The following UBE2E2 variants were observed in gnomAD, a reference collection of about 807,000 sequenced individuals.
UBE2E2 encodes ubiquitin-conjugating enzyme E2 E2.
A neutral mutation model predicts 24.7 loss-of-function variants in UBE2E2; 6 were observed. The observed-to-expected ratio is 0.24, with a 90% CI of 0.13 to 0.48. The LOEUF (loss-of-function observed/expected upper bound fraction) is 0.48, where lower values mean the gene tolerates loss of function less well. Among genes scored for constraint, UBE2E2 ranks in the 20% least tolerant of loss-of-function variants. The pLI is 0.99. For synonymous variants in UBE2E2, 104 were observed against 83.6 expected, an observed-to-expected ratio of 1.24 and a Z score of -1.33; for missense variants, 169 against 245.0, an observed-to-expected ratio of 0.69 and a Z score of 2.07.
chr3:23,320,483 T>C (rs1694711472), intron 3 of UBE2E2, among the ~76,000 whole-genome samples: 1 of 152,182 alleles, frequency 6.6e-6, no homozygotes, highest in Non-Finnish European at 1.5e-5. Flanking sequence ...TGGAAAGAAA[T>C]CCTGTATTTT....
chr3:23,392,919 G>A (rs990865996), intron 3 of UBE2E2, among the ~76,000 whole-genome samples: 6 of 152,220 alleles, frequency 3.9e-5, no homozygotes, highest in African/African-American at 1.4e-4. Flanking sequence ...TGAAGGCCAG[G>A]AAGGGGCAAG....
intron 3 of UBE2E2, among the ~76,000 whole-genome samples, chr3:23,335,440 A>G (rs920834675): frequency 3.9e-5 from 6 of 152,160 alleles, no homozygotes; most frequent in Non-Finnish European, 5.9e-5. Flanking sequence ...AAAATAAACT[A>G]TAGTATTTCT....
chr3:23,400,607 A>AACACACACACACACACACACACACAT (rs1553608462), intron 3 of UBE2E2, among the ~76,000 whole-genome samples: 1 of 137,726 alleles, frequency 7.3e-6, no homozygotes, highest in Non-Finnish European at 1.6e-5. Flanking sequence ...GAATAAATGA[A>AACACACACACACACACACACACACAT]ACACACACAC....
intron 3 of UBE2E2, among the ~76,000 whole-genome samples, chr3:23,362,378 A>G (rs1696140993): frequency 1.3e-5 from 2 of 152,166 alleles, no homozygotes; most frequent in African/African-American, 4.8e-5. Flanking sequence ...TCTCGAGTCC[A>G]AGGAGACCAC....
chr3:23,401,848 C>CTTTTT (rs35903137), intron 3 of UBE2E2, among the ~76,000 whole-genome samples: 20 of 67,702 alleles, frequency 3.0e-4, no homozygotes, highest in East Asian at 4.5e-4. Context: ...TGCCTGGCTA[C>CTTTTT]TTTTTTTTTT....
At chr3:23,569,046 A>G (rs1028050990) in intron 5 of UBE2E2, among the ~76,000 whole-genome samples, 15 of 150,506 alleles carry the variant, frequency 1.0e-4, no homozygotes, top group African/African-American at 2.0e-4. Flanking sequence ...TCCTTGCAGC[A>G]TTATTTGTAA....
At chr3:23,325,185 T>C (rs1342608683) in intron 3 of UBE2E2, among the ~76,000 whole-genome samples, 1 of 152,140 alleles carries the variant, frequency 6.6e-6, no homozygotes, top group African/African-American at 2.4e-5. Context: ...TTTACTCTTT[T>C]AAGAATTGAA....
chr3:23,329,598 A>T (rs1486351382), intron 3 of UBE2E2, among the ~76,000 whole-genome samples: 2 of 152,244 alleles, frequency 1.3e-5, no homozygotes, highest in African/African-American at 4.8e-5. Flanking sequence ...AGCTAATTAG[A>T]TACAACAACT....
At chr3:23,544,071 A>G (rs575122426) in intron 5 of UBE2E2, among the ~76,000 whole-genome samples, 2 of 152,348 alleles carry the variant, frequency 1.3e-5, no homozygotes, top group South Asian at 4.1e-4. Flanking sequence ...CTTAAGATGG[A>G]TTAAAGACTT....
At chr3:23,398,320 AAAAC>A (rs1465434480) in intron 3 of UBE2E2, among the ~76,000 whole-genome samples, 6 of 151,662 alleles carry the variant, frequency 4.0e-5, no homozygotes, top group Admixed American at 6.6e-5. Flanking sequence ...CTCAAAAAAA[AAAAC>A]AAAAAAAAAC....
In UBE2E2 at chr3:23,277,029, T is replaced by C. The variant is rs922124190; in HGVS notation, c.227+59717T>C. On this transcript the variant is annotated intron_variant, in intron 3 of 5. Transcript: ENST00000396703. Reference sequence around the variant, plus strand: ...AGGAAAACAAAGGCTTTCGTGTACATGCTTCTGATAGTAGACGGTGTGACC... The same window carrying C: ...AGGAAAACAAAGGCTTTCGTGTACACGCTTCTGATAGTAGACGGTGTGACC... Among the ~76,000 whole-genome samples the C allele has an allele frequency of 7.9e-5, 12 of 152,306 alleles. 2 individuals carry two copies. Among genetic ancestry groups the C allele is most frequent in the Admixed American group, 2.0e-4 (3 of 15,298 alleles).
At chr3:23,266,175 T>C (rs1489303157) in intron 3 of UBE2E2, among the ~76,000 whole-genome samples, 1 of 152,216 alleles carries the variant, frequency 6.6e-6, no homozygotes, top group Non-Finnish European at 1.5e-5. Flanking sequence ...ATGTGTGAAT[T>C]TGATCCTGTC....
At chr3:23,357,946 C>T (rs1422704080) in intron 3 of UBE2E2, among the ~76,000 whole-genome samples, 1 of 152,204 alleles carries the variant, frequency 6.6e-6, no homozygotes, top group Non-Finnish European at 1.5e-5. Context: ...CGTGATCCTT[C>T]TACCTCAGCC....
intron 5 of UBE2E2, among the ~76,000 whole-genome samples, chr3:23,541,648 T>C (rs1471724746): frequency 6.6e-6 from 1 of 152,228 alleles, no homozygotes; most frequent in Non-Finnish European, 1.5e-5. Context: ...TGTTGCCACA[T>C]GAAGCTTTTA....
chr3:23,238,268 G>A (rs1157484216), intron 3 of UBE2E2, among the ~76,000 whole-genome samples: 3 of 152,056 alleles, frequency 2.0e-5, no homozygotes, highest in African/African-American at 7.2e-5. Context: ...TCTCCTTAGT[G>A]TCAAAACCTG....
intron 3 of UBE2E2, among the ~76,000 whole-genome samples, chr3:23,310,940 G>T (rs555894552): frequency 6.6e-6 from 1 of 152,148 alleles, no homozygotes; most frequent in Non-Finnish European, 1.5e-5. Flanking sequence ...CATGTGCCAT[G>T]TTGGTGTGCT....
At chr3:23,329,848 T>G (rs4858499) in intron 3 of UBE2E2, among the ~76,000 whole-genome samples, 128,166 of 152,230 alleles carry the variant, frequency 0.84, 54,072 homozygotes, top group African/African-American at 0.9. Flanking sequence ...TTTGTACTCT[T>G]CCCTTTTAAA....
chr3:23,252,899 C>T (rs1182637818), intron 3 of UBE2E2, among the ~76,000 whole-genome samples: 1 of 152,206 alleles, frequency 6.6e-6, no homozygotes, highest in African/African-American at 2.4e-5. Context: ...ATTTTACTTT[C>T]ATATCTAAAT....
In UBE2E2 at chr3:23,288,019, G is replaced by A. The variant is rs535443716; in HGVS notation, c.227+70707G>A. On this transcript the variant is annotated intron_variant, in intron 3 of 5. Coordinates refer to ENST00000396703, the MANE Select transcript of UBE2E2 (RefSeq NM_152653.4). ...CTGGTTCTTTAAAATGCATCATTAG[G>A]TTGTTTATTTGAAGTTTTTCTTTTT... Among the ~76,000 whole-genome samples the A allele has an allele frequency of 3.3e-5, 5 of 152,032 alleles. No homozygotes were observed. In the Middle Eastern group the frequency reaches 0.01, roughly 310 times the overall value.
Sources: allele counts gnomAD v4.1 joint callset (sites outside exome capture counted in the v4.1 genomes callset), GRCh38; gene constraint gnomAD v4.1.1; transcripts MANE v1.5; gene names NCBI Gene and HGNC (gene_info 2026-07-23, HGNC 2026-07-21).